The following SYCP2 variants were observed in gnomAD, a reference collection of about 807,000 sequenced individuals.
SYCP2 encodes synaptonemal complex lateral element protein.
Under a neutral mutation model 211.3 loss-of-function variants are expected in SYCP2, and 55 were observed. That is an observed-to-expected ratio of 0.26 (90% CI 0.21 to 0.33). The LOEUF (loss-of-function observed/expected upper bound fraction) is 0.33, where lower values mean the gene tolerates loss of function less well. Ranked by LOEUF, SYCP2 falls within the 10% of genes least tolerant of loss-of-function variation. The probability of loss-of-function intolerance (pLI) is 1.00; values close to 1 mark genes in which losing one functional copy is unlikely to be tolerated. For missense variants in SYCP2, 1,731 were observed against 1,752.0 expected, an observed-to-expected ratio of 0.99 and a Z score of 0.21; for synonymous variants, 570 against 555.2, an observed-to-expected ratio of 1.03 and a Z score of -0.37.
At chr20:59,927,282 C>G (rs1568990808) in intron 2 of SYCP2, among the ~76,000 whole-genome samples, 1 of 152,060 alleles carries the variant, frequency 6.6e-6, no homozygotes, top group Non-Finnish European at 1.5e-5. Flanking sequence ...CTTAATGTTC[C>G]CTGAGATGTT....
chr20:59,917,343 A>T (rs920975972), intron 7 of SYCP2, among the ~76,000 whole-genome samples: 2 of 152,198 alleles, frequency 1.3e-5, no homozygotes, highest in Non-Finnish European at 2.9e-5. Flanking sequence ...ATCAATACTA[A>T]GTATATTCAG....
rs921609484 is a variant in SYCP2 at position 59,933,608 on chromosome 20, C to G, written c.-179G>C. 2 of 152,086 alleles carry G rather than the reference C, an allele frequency of 1.3e-5. No homozygotes were observed. The highest frequency in any genetic ancestry group is 2.9e-5 in the Non-Finnish European group (2 of 68,030). 9.4% of individuals were successfully genotyped at this position (152,086 alleles called of 1,614,324 possible). A position where few individuals can be genotyped will look rare whatever the true frequency, so the allele number is the denominator to read the frequency against. ...GTCCGCGTAGTGTCGGTGGAGCCGCCCCCTATGCCGCCGAGCGTCGCAACT... is the reference window on the plus strand; with the variant it reads ...GTCCGCGTAGTGTCGGTGGAGCCGCGCCCTATGCCGCCGAGCGTCGCAACT... On this transcript the variant is annotated 5_prime_UTR_variant, in exon 1 of 45. Coordinates refer to ENST00000357552, the MANE Select transcript of SYCP2 (RefSeq NM_014258.4).
rs774555713 is a variant in SYCP2, at chr20:59,868,581, TAAAG to T, written c.3833-17_3833-14del. ...TGTTGGGTGGGGCCTTAGGAACAGT[TAAAG>T]AAAGTTAAAAGCGCTGCAATTTTCA... On this transcript the variant is annotated splice_polypyrimidine_tract_variant and intron_variant, in intron 37 of 44. Transcript: ENST00000357552. 3.8e-5 allele frequency: 59 copies of T among 1,565,016 alleles called. No individual in the cohort carries two copies. The highest frequency in any genetic ancestry group is 6.1e-5 in the South Asian group (5 of 81,916).
rs1407508561 is a variant in SYCP2 at position 59,866,215 on chromosome 20, A to G, written c.4320+78T>C. On this transcript the variant is annotated intron_variant, in intron 41 of 44. Transcript: ENST00000357552. ...CAAAAAGCTTTAGGATGTGCTCCCA[A>G]AAAAGAAAGTTTTTCCAAGTATAGC... is the stretch of plus-strand genomic sequence containing the variant. 3.2e-6 allele frequency: 3 copies of G among 932,832 alleles called. No homozygotes were observed. The African/African-American group carries it at 5.2e-5, about 16-fold the overall frequency. The allele number at this position is 932,832 out of a possible 1,614,324, so 57.8% of individuals were successfully genotyped here.
chr20:59,931,251 T>C (rs1224413550), intron 2 of SYCP2, among the ~76,000 whole-genome samples: 1 of 152,136 alleles, frequency 6.6e-6, no homozygotes, highest in African/African-American at 2.4e-5. Context: ...GAGATCCTAT[T>C]TCTACAAAAA....
chr20:59,888,901 GAAAT>G (rs1198308603), intron 24 of SYCP2, among the ~76,000 whole-genome samples: 1 of 151,892 alleles, frequency 6.6e-6, no homozygotes, highest in African/African-American at 2.4e-5. Context: ...ACTGCCGAAA[GAAAT>G]ACTTAGATGT....
At chr20:59,894,351 TACA>T (rs553705764) in intron 20 of SYCP2, among the ~76,000 whole-genome samples, 213 of 152,158 alleles carry the variant, frequency 1.4e-3, no homozygotes, top group African/African-American at 4.9e-3. Flanking sequence ...CTTATCATCC[TACA>T]ACATTTAGGA....
chr20:59,892,706 A>C lies in SYCP2; in HGVS notation c.1794-5T>G, dbSNP rs1015668330. ...TTGTCTAAAACACCAGGTAATCTAG[A>C]AAATAAATTAATTTGCTTAATGTTA... On this transcript the variant is annotated splice_region_variant and splice_polypyrimidine_tract_variant and intron_variant, in intron 22 of 44. Transcript: ENST00000357552. 71 of 1,596,822 alleles carry C rather than the reference A, an allele frequency of 4.4e-5. No homozygotes were observed. In the Middle Eastern group the frequency reaches 6.9e-4, roughly 16 times the overall value.
chr20:59,929,087 C>T (rs1030842483), intron 2 of SYCP2, among the ~76,000 whole-genome samples: 1 of 151,794 alleles, frequency 6.6e-6, no homozygotes, highest in African/African-American at 2.4e-5. Context: ...AGCAATAACC[C>T]AACAGCAAAA....
In SYCP2 at chr20:59,869,931, C is replaced by T. The variant is rs780682975; in HGVS notation, c.3608G>A (p.Ser1203Asn). The T allele has an allele frequency of 6.2e-7, 1 of 1,605,226 alleles. No individual in the cohort carries two copies. The highest frequency in any genetic ancestry group is 1.3e-5 in the African/African-American group (1 of 74,576). ...SNTIVNRKKI[S>N]SLVLTQETQN... ...TGTTTCTTGTGTAAGTACCAGAGAA[C>T]TTATTTTTTTTCTATTTACAATAGT... is the stretch of plus-strand genomic sequence containing the variant. The change falls in exon 36 of 45, where the codon AGT becomes AAT. Residue 1203 changes from serine to asparagine, a missense_variant. Transcript: ENST00000357552.
In SYCP2 at chr20:59,914,160, C is replaced by T; in HGVS notation, c.726G>A (p.Met242Ile). 1 of 1,604,992 alleles carries T rather than the reference C, an allele frequency of 6.2e-7. No individual in the cohort carries two copies. The highest frequency in any genetic ancestry group is 8.5e-7 in the Non-Finnish European group (1 of 1,174,056). Residue 242 changes from methionine (M) to isoleucine (I), a missense_variant, in exon 11 of 45, where the codon ATG becomes ATA. Physicochemically the swap from Met to Ile is conservative, Grantham distance 10 (BLOSUM62 1). This residue lies in a region of SYCP2 where 335 missense variants were observed against 378.8 expected (regional missense o/e 0.88). Transcript: ENST00000357552. ...TTTTAAATGCCTTAGCAATAAAATC[C>T]ATTGAAAACCACTGATGTGCCAGTT... is the stretch of plus-strand genomic sequence containing the variant. Reference protein sequence around the residue: ...RQELAHQWFSMDFIAKAFKRI... With the variant: ...RQELAHQWFSIDFIAKAFKRI...
At chr20:59,877,907 T>C (rs1216911593) in intron 32 of SYCP2, 101 bp downstream of exon 32, 1 of 946,036 alleles carries the variant, frequency 1.1e-6, no homozygotes, top group Non-Finnish European at 1.6e-6. Context: ...ATAAAACACA[T>C]AACTGATAAC....
chr20:59,887,918 C>G (rs1159646771), intron 24 of SYCP2, among the ~76,000 whole-genome samples: 1 of 151,810 alleles, frequency 6.6e-6, no homozygotes, highest in African/African-American at 2.4e-5. Context: ...ATGTGATAGG[C>G]TAGATGAAAT....
At chr20:59,881,820 T>C (rs1339998413) in intron 28 of SYCP2, 125 bp downstream of exon 28, 1 of 643,074 alleles carries the variant, frequency 1.6e-6, no homozygotes, top group Non-Finnish European at 2.5e-6. Flanking sequence ...AAAATATTAT[T>C]ATATATTTCT....
At position 59,863,922 on chromosome 20, in the gene SYCP2, A is replaced by C. The variant is rs1444474142; in HGVS notation, c.*389T>G. 1 of 152,560 alleles carries C rather than the reference A, an allele frequency of 6.6e-6. No individual in the cohort carries two copies. Among genetic ancestry groups the C allele is most frequent in the South Asian group, 2.1e-4 (1 of 4,824 alleles). 9.5% of individuals were successfully genotyped at this position (152,560 alleles called of 1,614,324 possible). ...CTAAATTTTTATTAGTTGAATTCTAAGTTATTAAACATATTTTAATTATAT... is the reference window on the plus strand; with the variant it reads ...CTAAATTTTTATTAGTTGAATTCTACGTTATTAAACATATTTTAATTATAT... On this transcript the variant is annotated 3_prime_UTR_variant, in exon 45 of 45. Coordinates refer to ENST00000357552, the MANE Select transcript of SYCP2 (RefSeq NM_014258.4).
At chr20:59,921,194 T>C (rs1017737587) in intron 4 of SYCP2, 116 bp downstream of exon 4, 3 of 743,896 alleles carry the variant, frequency 4.0e-6, no homozygotes, top group African/African-American at 3.7e-5. Context: ...TTTATTTATA[T>C]AATTATGACT....
chr20:59,921,517 T>A (rs1311107268), intron 3 of SYCP2, 64 bp from the exon 4 acceptor site: 13 of 1,217,044 alleles, frequency 1.1e-5, no homozygotes, highest in Non-Finnish European at 1.4e-5. Context: ...TTATGCAATC[T>A]AGTAATTTGA....
intron 1 of SYCP2, chr20:59,933,264 C>CGA (rs2060805847): frequency 2.0e-5 from 3 of 151,766 alleles, no homozygotes. Context: ...GGGGCGGCTC[C>CGA]GAGCGCCCAT....
intron 35 of SYCP2, among the ~76,000 whole-genome samples, chr20:59,870,343 A>G (rs953637669): frequency 1.3e-5 from 2 of 151,894 alleles, no homozygotes; most frequent in Non-Finnish European, 2.9e-5. Flanking sequence ...CTAGGCAGAC[A>G]ATCATGATAA....
Sources: gnomAD v4.1 joint callset for allele counts (sites outside exome capture counted in the v4.1 genomes callset) on GRCh38, gnomAD v4.1.1 for gene constraint, gnomAD v4.1.1 regional missense constraint, MANE v1.5 for transcripts, NCBI Gene and HGNC (gene_info 2026-07-23, HGNC 2026-07-21) for gene names.